RAB3C: variants seen among roughly 807,000 people sequenced by gnomAD.
RAB3C encodes the protein ras-related protein Rab-3C.
A neutral mutation model predicts 26.4 loss-of-function variants in RAB3C; 17 were observed. The ratio of observed to expected loss-of-function variants is 0.64; its 90% CI spans 0.44 to 0.97. The LOEUF (loss-of-function observed/expected upper bound fraction) is 0.97. RAB3C is among the 50% of genes least tolerant of loss of function. RAB3C has a pLI of 0.00. For synonymous variants in RAB3C, 91 were observed against 95.9 expected, an observed-to-expected ratio of 0.95 and a Z score of 0.30; for missense variants, 242 against 281.9, an observed-to-expected ratio of 0.86 and a Z score of 1.01.
At chr5:58,743,563 T>C (rs896281131) in intron 3 of RAB3C, among the ~76,000 whole-genome samples, 5 of 152,090 alleles carry the variant, frequency 3.3e-5, no homozygotes, top group African/African-American at 4.8e-5. Flanking sequence ...CCCTCCCCCT[T>C]GGCCCCCAGC....
chr5:58,701,394 A>C (rs577191350), intron 2 of RAB3C, among the ~76,000 whole-genome samples: 1 of 152,306 alleles, frequency 6.6e-6, no homozygotes, highest in African/African-American at 2.4e-5. Flanking sequence ...CTCATTCTGA[A>C]GATGAGTTTC....
chr5:58,612,552 A>ATGTG (rs1561266498), intron 1 of RAB3C, among the ~76,000 whole-genome samples: 4 of 105,194 alleles, frequency 3.8e-5, no homozygotes, highest in African/African-American at 8.7e-5. Context: ...ATATATGTAT[A>ATGTG]TATATATATA....
At chr5:58,758,757 C>A (rs1182675206) in intron 3 of RAB3C, among the ~76,000 whole-genome samples, 1 of 152,134 alleles carries the variant, frequency 6.6e-6, no homozygotes, top group Non-Finnish European at 1.5e-5. Flanking sequence ...AACATAGAGG[C>A]CAGTGATTAC....
rs1025304661 is a variant in RAB3C, at chr5:58,831,798, A to AG, written c.496+6638dup. ...ATAATAATAAAATAAGGAAAACCCA[A>AG]GGCGGGGACAAGGAAACAAATCTAG... On this transcript the variant is annotated intron_variant, in intron 4 of 4. Coordinates refer to ENST00000282878, the MANE Select transcript of RAB3C (RefSeq NM_138453.4). Among the ~76,000 whole-genome samples the AG allele has an allele frequency of 8.2e-4, 125 of 152,276 alleles. 1 individual carries two copies. The highest frequency in any genetic ancestry group is 2.7e-3 in the African/African-American group (114 of 41,570).
At chr5:58,642,854 T>C (rs6876683) in intron 2 of RAB3C, among the ~76,000 whole-genome samples, 2,805 of 152,282 alleles carry the variant, frequency 0.018, 98 homozygotes, top group African/African-American at 0.064. Context: ...TTATGTAAAG[T>C]AAGGCAGGAA....
rs1009540840 is a variant in RAB3C, at chr5:58,585,869, T to C, written c.24+2637T>C. ...CCTTTCTAATCTAAATAACCAGGAA[T>C]AGCATTTGGTAAGTGTCCCAAGTGA... On this transcript the variant is annotated intron_variant, in intron 1 of 4. Coordinates refer to ENST00000282878, the MANE Select transcript of RAB3C (RefSeq NM_138453.4). Among the ~76,000 whole-genome samples the C allele has an allele frequency of 1.3e-4, 20 of 152,216 alleles. No homozygotes were observed. The East Asian group carries it at 3.9e-3, about 29-fold the overall frequency.
chr5:58,706,065 T>C (rs919421256), intron 2 of RAB3C, among the ~76,000 whole-genome samples: 11 of 152,194 alleles, frequency 7.2e-5, no homozygotes, highest in African/African-American at 2.7e-4. Flanking sequence ...TTTTTAAAAA[T>C]GCAAATAAAA....
intron 2 of RAB3C, among the ~76,000 whole-genome samples, chr5:58,669,836 C>G (rs1579848583): frequency 6.6e-6 from 1 of 152,290 alleles, no homozygotes; most frequent in East Asian, 1.9e-4. Context: ...CAACCAAGAA[C>G]TCATCATCCA....
At chr5:58,645,917 T>C (rs1044950103) in intron 2 of RAB3C, among the ~76,000 whole-genome samples, 3 of 152,104 alleles carry the variant, frequency 2.0e-5, no homozygotes, top group African/African-American at 7.2e-5. Context: ...TTTCCCACGT[T>C]AGGAGAGGAG....
chr5:58,685,168 G>C (rs1056362777), intron 2 of RAB3C, among the ~76,000 whole-genome samples: 1 of 152,088 alleles, frequency 6.6e-6, no homozygotes, highest in African/African-American at 2.4e-5. Flanking sequence ...ATAGGGTTTT[G>C]TACTATCCAT....
chr5:58,675,177 A>G (rs558753670), intron 2 of RAB3C, among the ~76,000 whole-genome samples: 2 of 151,800 alleles, frequency 1.3e-5, no homozygotes, highest in Non-Finnish European at 2.9e-5. Flanking sequence ...TCTGAAAAAC[A>G]TTTTTTATGA....
At chr5:58,816,490 T>C (rs939834067) in intron 3 of RAB3C, among the ~76,000 whole-genome samples, 1 of 152,178 alleles carries the variant, frequency 6.6e-6, no homozygotes, top group Non-Finnish European at 1.5e-5. Flanking sequence ...GACCTTCCGT[T>C]GCTTTCACGA....
intron 2 of RAB3C, among the ~76,000 whole-genome samples, chr5:58,655,113 C>T (rs1420335670): frequency 6.6e-6 from 1 of 152,178 alleles, no homozygotes; most frequent in African/African-American, 2.4e-5. Context: ...CAGCTTTGCT[C>T]TCATGCCTCC....
intron 3 of RAB3C, among the ~76,000 whole-genome samples, chr5:58,754,436 G>T (rs969032060): frequency 6.6e-6 from 1 of 152,134 alleles, no homozygotes; most frequent in African/African-American, 2.4e-5. Context: ...TTAGGTAAAT[G>T]CTTGCCAAAA....
intron 3 of RAB3C, chr5:58,794,644 ACATTTATT>A (rs1742603902): frequency 6.6e-6 from 1 of 152,204 alleles, no homozygotes; most frequent in Non-Finnish European, 1.5e-5. Flanking sequence ...TATTAAAAAA[ACATTTATT>A]AAGTGTTAAG....
chr5:58,771,978 T>C (rs1369219995), intron 3 of RAB3C, among the ~76,000 whole-genome samples: 1 of 151,764 alleles, frequency 6.6e-6, no homozygotes, highest in Non-Finnish European at 1.5e-5. Flanking sequence ...TCAAAGTGTA[T>C]AAAATGGAAA....
At chr5:58,759,429 T>C (rs1447141405) in intron 3 of RAB3C, among the ~76,000 whole-genome samples, 1 of 152,238 alleles carries the variant, frequency 6.6e-6, no homozygotes, top group African/African-American at 2.4e-5. Context: ...TTCACCACTG[T>C]CTGCCTCCCC....
At chr5:58,757,931 G>GTTTTT (rs1554016856) in intron 3 of RAB3C, among the ~76,000 whole-genome samples, 11 of 151,266 alleles carry the variant, frequency 7.3e-5, no homozygotes, top group Non-Finnish European at 1.3e-4. Context: ...TGTTGTTGTT[G>GTTTTT]TTGTTTTGTT....
Position 58,771,822 on chromosome 5 carries a change from T to C in RAB3C, c.371+45702T>C, listed in dbSNP as rs551173239. ...TTTGCAGAAGTGAAAACATCTTTTT[T>C]TTTCTTTCTTTTTTCTTTTTCTTTT... On this transcript the variant is annotated intron_variant, in intron 3 of 4. Coordinates refer to ENST00000282878, the MANE Select transcript of RAB3C (RefSeq NM_138453.4). Among the ~76,000 whole-genome samples the C allele has an allele frequency of 4.0e-3, 611 of 151,960 alleles. 3 individuals carry two copies. The highest frequency in any genetic ancestry group is 6.9e-3 in the Non-Finnish European group (468 of 67,956).
Sources: gnomAD v4.1 joint callset for allele counts (sites outside exome capture counted in the v4.1 genomes callset) on GRCh38, gnomAD v4.1.1 for gene constraint, MANE v1.5 for transcripts, NCBI Gene and HGNC (gene_info 2026-07-23, HGNC 2026-07-21) for gene names.